TG: variants seen among roughly 807,000 people sequenced by gnomAD.
TG encodes the protein thyroid hormones.
In TG, 270 loss-of-function variants were observed where a neutral mutation model predicts 324.7. The observed-to-expected ratio is 0.83, with a 90% CI of 0.75 to 0.92. The LOEUF is 0.92. TG is among the 40% of genes least tolerant of loss of function. The probability of loss-of-function intolerance (pLI) is 0.00; values close to 1 mark genes in which losing one functional copy is unlikely to be tolerated. For synonymous variants in TG, 1,401 were observed against 1,327.0 expected (o/e 1.06, Z -1.21); for missense variants, 3,591 against 3,456.4 (o/e 1.04, Z -0.98).
chr8:132,994,689 A>G (rs2130789462), intron 35 of TG: 2 of 1,288,154 alleles, frequency 1.6e-6, no homozygotes. Flanking sequence ...TTGACTTATT[A>G]CAGAAGCATC....
At chr8:132,886,427 A>G (rs1441262780) in intron 8 of TG, 21 bp from the exon 9 acceptor site, 1 of 1,613,982 alleles carries the variant, frequency 6.2e-7, no homozygotes, top group Non-Finnish European at 8.5e-7. Context: ...CTTTTCTCCC[A>G]TTTCACTTTG....
chr8:133,123,492 A>G (rs1173142084), intron 45 of TG, among the ~76,000 whole-genome samples: 2 of 151,974 alleles, frequency 1.3e-5, no homozygotes, highest in African/African-American at 4.8e-5. Flanking sequence ...TTGCCCAGGT[A>G]CCTTTCAAGG....
chr8:133,077,567 G>A (rs895234059), intron 41 of TG, among the ~76,000 whole-genome samples: 46 of 152,232 alleles, frequency 3.0e-4, no homozygotes, highest in African/African-American at 1.1e-3. Flanking sequence ...AGAGCAGGGG[G>A]ATGGAATGGA....
intron 15 of TG, among the ~76,000 whole-genome samples, chr8:132,900,747 C>T (rs17684629): frequency 0.014 from 2,118 of 152,286 alleles, 23 homozygotes; most frequent in Non-Finnish European, 0.023. Context: ...CTCCCATCAT[C>T]TTCGGGGCCG....
chr8:132,990,987 G>A (rs1832257656), intron 35 of TG, among the ~76,000 whole-genome samples: 1 of 150,866 alleles, frequency 6.6e-6, no homozygotes, highest in Non-Finnish European at 1.5e-5. Flanking sequence ...GGAAGGCCCA[G>A]GACTGGGCTG....
chr8:132,977,401 G>A (rs1215187543), intron 34 of TG, among the ~76,000 whole-genome samples: 1 of 152,066 alleles, frequency 6.6e-6, no homozygotes, highest in Non-Finnish European at 1.5e-5. Flanking sequence ...CCATGGTTTG[G>A]TCATTTAGTA....
intron 27 of TG, among the ~76,000 whole-genome samples, chr8:132,952,530 G>C (rs1309302956): frequency 6.6e-6 from 1 of 152,126 alleles, no homozygotes; most frequent in Admixed American, 6.5e-5. Flanking sequence ...TGGGACTTCG[G>C]GTGCAGACAC....
At chr8:133,093,243 T>C (rs1055845139) in intron 41 of TG, among the ~76,000 whole-genome samples, 3 of 152,150 alleles carry the variant, frequency 2.0e-5, no homozygotes, top group Non-Finnish European at 4.4e-5. Flanking sequence ...AACAATAGGC[T>C]AAATCATATT....
At chr8:133,019,749 C>T in intron 39 of TG, 54 bp downstream of exon 39, 1 of 1,439,938 alleles carries the variant, frequency 6.9e-7, no homozygotes, top group Non-Finnish European at 9.7e-7. Flanking sequence ...CATTAGAAAT[C>T]CACTGTCCCC....
chr8:132,971,899 C>G (rs771548622), intron 33 of TG, 26 bp downstream of exon 33: 1 of 1,461,518 alleles, frequency 6.8e-7, no homozygotes, highest in Non-Finnish European at 9.6e-7. Context: ...ACTTCCTCTC[C>G]CCTGCGCACA....
Position 133,134,833 on chromosome 8 carries a change from C to A in TG, c.*39C>A. 1 of 1,519,860 alleles carries A rather than the reference C, an allele frequency of 6.6e-7. No individual in the cohort carries two copies. The allele number at this position is 1,519,860 out of a possible 1,614,324, so 94.1% of individuals were successfully genotyped here. On this transcript the variant is annotated 3_prime_UTR_variant, in exon 48 of 48. Coordinates refer to ENST00000220616, the MANE Select transcript of TG (RefSeq NM_003235.5). ...TCCCCAAAAACCTCACCCGAGGCTG[C>A]CCACTATGGTCATCTTTTTCTCTAA...
In TG at chr8:132,882,610, G is replaced by C; in HGVS notation, c.887G>C (p.Arg296Pro). The C allele has an allele frequency of 2.5e-6, 4 of 1,614,220 alleles. No individual in the cohort carries two copies. The highest frequency in any genetic ancestry group is 3.4e-6 in the Non-Finnish European group (4 of 1,180,046). Reference sequence around the variant, plus strand: ...CAATCAGTCATCTCTGGCAGATTCCGATGTAAGTAATAAACTGCCAACAAT... The same window carrying C: ...CAATCAGTCATCTCTGGCAGATTCCCATGTAAGTAATAAACTGCCAACAAT... Reference protein sequence around the residue: ...AVQSVISGRFRCPTKCEVERF... With the variant: ...AVQSVISGRFPCPTKCEVERF... Residue 296 changes from arginine to proline, a missense_variant and splice_region_variant, in exon 7 of 48, where the codon CGA becomes CCA. Arg to Pro is a moderately radical substitution (Grantham distance 103, BLOSUM62 -2). Transcript: ENST00000220616.
chr8:132,888,447 G>A lies in TG; in HGVS notation c.2640G>A (p.Pro880=), dbSNP rs1403930924. The A allele has an allele frequency of 6.2e-6, 10 of 1,612,096 alleles. No individual in the cohort carries two copies. Among genetic ancestry groups the A allele is most frequent in the Middle Eastern group, 1.6e-4 (1 of 6,080 alleles). The part of the protein sequence containing the change: ...QILNGQLSQY[P]GSYSDFSTPL... ...TAAATGGCCAACTCAGCCAATACCC[G>A]GGGTCCTACTCAGACTTCAGCACTC... Residue 880 remains proline, a synonymous_variant, in exon 10 of 48, where the codon CCG becomes CCA. Transcript: ENST00000220616.
intron 45 of TG, among the ~76,000 whole-genome samples, chr8:133,120,992 C>T (rs940242533): frequency 2.6e-5 from 4 of 152,130 alleles, no homozygotes; most frequent in African/African-American, 9.7e-5. Context: ...GAGTAGTGTC[C>T]TCATGTCCCT....
intron 45 of TG, among the ~76,000 whole-genome samples, chr8:133,127,574 C>T (rs1025558861): frequency 2.0e-5 from 3 of 152,214 alleles, no homozygotes; most frequent in African/African-American, 7.2e-5. Flanking sequence ...TAAGAAACCT[C>T]CAGAGTTCCC....
In TG at chr8:133,039,943, G is replaced by T. The variant is rs564084797; in HGVS notation, c.7239+9920G>T. The T allele has an allele frequency of 3.3e-6, 5 of 1,497,440 alleles. No individual in the cohort carries two copies. In the South Asian group the frequency reaches 4.9e-5, roughly 15 times the overall value. The allele number at this position is 1,497,440 out of a possible 1,614,324, so 92.8% of individuals were successfully genotyped here. A position where few individuals can be genotyped will look rare whatever the true frequency, so the allele number is the denominator to read the frequency against. ...CGTTTTGTGCTCACATGTTCACAGA[G>T]CACTTGCATGCACACACACACACAC... is the stretch of plus-strand genomic sequence containing the variant. On this transcript the variant is annotated intron_variant, in intron 41 of 47. Transcript: ENST00000220616.
chr8:132,896,223 G>T (rs1817078407), intron 11 of TG, among the ~76,000 whole-genome samples: 1 of 152,234 alleles, frequency 6.6e-6, no homozygotes, highest in Non-Finnish European at 1.5e-5. Context: ...GCTCAGAGAG[G>T]TTGGGCAACT....
chr8:133,125,063 G>C (rs1161753940), intron 45 of TG, among the ~76,000 whole-genome samples: 1 of 152,130 alleles, frequency 6.6e-6, no homozygotes, highest in Non-Finnish European at 1.5e-5. Flanking sequence ...TGACATAATA[G>C]GGTTTGCACT....
At position 132,919,475 on chromosome 8, in the gene TG, G is replaced by A. The variant is rs946398303; in HGVS notation, c.4478G>A (p.Cys1493Tyr). Residue 1493 changes from cysteine (C) to tyrosine (Y), a missense_variant, in exon 21 of 48, where the codon TGT becomes TAT. Physicochemically the swap from Cys to Tyr is radical, Grantham distance 194. Transcript: ENST00000220616. ...EQAGSLACVP[C>Y]PVGRTTISAG... is the part of the protein sequence containing the mutation. ...GCAGGGAGCTTGGCCTGTGTCCCATGTCCTGTGGGCAGAACGACCATTTCT... is the reference window on the plus strand; with the variant it reads ...GCAGGGAGCTTGGCCTGTGTCCCATATCCTGTGGGCAGAACGACCATTTCT... The A allele has an allele frequency of 6.2e-7, 1 of 1,614,132 alleles. No homozygotes were observed. The highest frequency in any genetic ancestry group is 8.5e-7 in the Non-Finnish European group (1 of 1,179,998).
Sources: allele counts gnomAD v4.1 joint callset (sites outside exome capture counted in the v4.1 genomes callset), GRCh38; gene constraint gnomAD v4.1.1; transcripts MANE v1.5; gene names NCBI Gene and HGNC (gene_info 2026-07-23, HGNC 2026-07-21).